PKHD1: variants seen among roughly 807,000 people sequenced by gnomAD.
The protein encoded by PKHD1 is fibrocystin.
Under a neutral mutation model 412.0 loss-of-function variants are expected in PKHD1, and 291 were observed. The observed-to-expected ratio is 0.71, with a 90% CI of 0.64 to 0.78. The LOEUF (loss-of-function observed/expected upper bound fraction) is 0.78. Among genes scored for constraint, PKHD1 ranks in the 30% least tolerant of loss-of-function variants. The probability of loss-of-function intolerance (pLI) is 0.00; values close to 1 mark genes in which losing one functional copy is unlikely to be tolerated. For missense variants in PKHD1, 4,825 were observed against 4,950.7 expected (o/e 0.97, Z 0.76); for synonymous variants, 1,777 against 1,821.5 (o/e 0.98, Z 0.62).
chr6:52,039,977 T>G (rs1030515557), intron 27 of PKHD1, among the ~76,000 whole-genome samples: 5 of 152,186 alleles, frequency 3.3e-5, no homozygotes, highest in African/African-American at 9.6e-5. Context: ...CTTAAAAATA[T>G]CATGCCAAGT....
At chr6:51,912,862 T>G (rs1453740577) in intron 37 of PKHD1, among the ~76,000 whole-genome samples, 1 of 152,104 alleles carries the variant, frequency 6.6e-6, no homozygotes, top group African/African-American at 2.4e-5. Context: ...AGATTACACT[T>G]ATATTTGAAT....
chr6:51,698,706 C>T (rs1046058443), intron 60 of PKHD1, among the ~76,000 whole-genome samples: 5 of 152,054 alleles, frequency 3.3e-5, no homozygotes, highest in African/African-American at 1.2e-4. Flanking sequence ...ATATGTATGT[C>T]GCTTAAAGCA....
Position 51,770,103 on chromosome 6 carries a change from C to T in PKHD1, c.8642+2599G>A, listed in dbSNP as rs527524502. Among the ~76,000 whole-genome samples the T allele has an allele frequency of 2.6e-5, 4 of 151,396 alleles. No homozygotes were observed. In the South Asian group the frequency reaches 8.3e-4, roughly 32 times the overall value. ...TTGCTTTTATTATATTATTCATGTTCTTCTTGTTTTCTTTACCTTTTTTAA... is the reference window on the plus strand; with the variant it reads ...TTGCTTTTATTATATTATTCATGTTTTTCTTGTTTTCTTTACCTTTTTTAA... On this transcript the variant is annotated intron_variant, in intron 55 of 66. Transcript: ENST00000371117.
chr6:51,626,102 A>C (rs1767198605), intron 66 of PKHD1, among the ~76,000 whole-genome samples: 1 of 152,136 alleles, frequency 6.6e-6, no homozygotes, highest in African/African-American at 2.4e-5. Context: ...ACTCATGCTC[A>C]TGTGTGCATG....
intron 60 of PKHD1, among the ~76,000 whole-genome samples, chr6:51,683,759 A>G (rs1440908517): frequency 6.6e-6 from 1 of 152,094 alleles, no homozygotes; most frequent in African/African-American, 2.4e-5. Context: ...TAGTTGTGAT[A>G]TTGTAATCAT....
chr6:52,037,118 G>C (rs1202347762), intron 27 of PKHD1, among the ~76,000 whole-genome samples: 4 of 151,836 alleles, frequency 2.6e-5, no homozygotes, highest in African/African-American at 9.7e-5. Flanking sequence ...GGATATAAGT[G>C]ACATTTCACA....
chr6:52,043,478 A>T (rs931872979), intron 26 of PKHD1, 147 bp downstream of exon 26: 118 of 709,212 alleles, frequency 1.7e-4, no homozygotes, highest in Middle Eastern at 3.1e-4. Context: ...AGATGGACCA[A>T]AAAATACACT....
Position 52,055,682 on chromosome 6 carries a change from G to A in PKHD1, c.1741C>T (p.Pro581Ser). 1.2e-6 allele frequency: 2 copies of A among 1,613,850 alleles called. No individual in the cohort carries two copies. The highest frequency in any genetic ancestry group is 1.7e-6 in the Non-Finnish European group (2 of 1,179,786). The stretch of plus-strand genomic sequence containing the variant: ...CGGAGGCTGAACCTGCCACAGAAGG[G>A]CTCCGTCCCACTGGTGAGGTCCCCA... ...SDGDLTSGTEPFCGRFSLRQP... is the reference protein window; with the variant it reads ...SDGDLTSGTESFCGRFSLRQP... Residue 581 changes from proline (P) to serine (S), a missense_variant, in exon 19 of 67, where the codon CCC becomes TCC. By Grantham distance (74) the Pro-to-Ser change is moderately conservative (BLOSUM62 -1). Transcript: ENST00000371117.
At position 51,960,167 on chromosome 6, in the gene PKHD1, GA is replaced by G. The variant is rs1791795501; in HGVS notation, c.5752-142del. The stretch of plus-strand genomic sequence containing the variant: ...ATAGTATAAGTATTGAATCAAAATA[GA>G]AACTTCTCAAAGAAAGTAAAATTAA... On this transcript the variant is annotated intron_variant, in intron 35 of 66. Transcript: ENST00000371117. 1.3e-5 allele frequency: 10 copies of G among 754,990 alleles called. No homozygotes were observed. The East Asian group carries it at 2.7e-4, about 20-fold the overall frequency. The allele number at this position is 754,990 out of a possible 1,614,324, so 46.8% of individuals were successfully genotyped here.
chr6:51,743,377 C>T (rs1289925121), intron 60 of PKHD1, among the ~76,000 whole-genome samples: 2 of 152,068 alleles, frequency 1.3e-5, no homozygotes, highest in East Asian at 3.9e-4. Flanking sequence ...TGAATGGTGG[C>T]ACCAATTACT....
intron 55 of PKHD1, among the ~76,000 whole-genome samples, chr6:51,766,937 CT>C (rs1789153697): frequency 6.6e-6 from 1 of 151,998 alleles, no homozygotes; most frequent in Non-Finnish European, 1.5e-5. Flanking sequence ...GTCTTTACTG[CT>C]TTAAATTACA....
chr6:51,854,520 C>A (rs1224695186), intron 49 of PKHD1, among the ~76,000 whole-genome samples: 1 of 152,190 alleles, frequency 6.6e-6, no homozygotes, highest in Non-Finnish European at 1.5e-5. Context: ...TCAGAACTAT[C>A]AGGAGGACAG....
At chr6:52,082,267 T>A in intron 4 of PKHD1, 125 bp downstream of exon 4, 1 of 986,126 alleles carries the variant, frequency 1.0e-6, no homozygotes, top group East Asian at 2.4e-5. Flanking sequence ...ACATGAAACT[T>A]TTTTTAACAA....
Position 51,619,143 on chromosome 6 carries a change from C to T in PKHD1, c.12163G>A (p.Gly4055Arg), listed in dbSNP as rs778545068. 5.0e-6 allele frequency: 8 copies of T among 1,614,230 alleles called. No homozygotes were observed. In the Admixed American group the frequency reaches 5.0e-5, roughly 10 times the overall value. ...GLSQEKKASC[G>R]ATEAFCLHSV... ...TGAAGGCAGAATGCCTCAGTGGCCCCGCAGGAGGCTTTCTTCTCTTGGGAA... is the reference window on the plus strand; with the variant it reads ...TGAAGGCAGAATGCCTCAGTGGCCCTGCAGGAGGCTTTCTTCTCTTGGGAA... Residue 4055 changes from glycine (G) to arginine (R), a missense_variant, in exon 67 of 67, where the codon GGG becomes AGG. Gly to Arg is a moderately radical substitution (Grantham distance 125, BLOSUM62 -2). Transcript: ENST00000371117.
chr6:51,912,062 G>T, intron 38 of PKHD1, 106 bp from the exon 39 acceptor site: 1 of 938,950 alleles, frequency 1.1e-6, no homozygotes, highest in Non-Finnish European at 1.7e-6. Flanking sequence ...ATCTATTCAT[G>T]TTTCTTTAGA....
At chr6:51,940,913 A>G (rs1246382598) in intron 36 of PKHD1, among the ~76,000 whole-genome samples, 1 of 151,430 alleles carries the variant, frequency 6.6e-6, no homozygotes, top group African/African-American at 2.4e-5. Context: ...CTTTTTAGTT[A>G]TCCCCACCTG....
chr6:51,919,646 T>C (rs916190854), intron 37 of PKHD1, among the ~76,000 whole-genome samples: 1 of 152,156 alleles, frequency 6.6e-6, no homozygotes, highest in African/African-American at 2.4e-5. Flanking sequence ...TTTAAAGAAG[T>C]TTTTTCCAAT....
At chr6:51,859,884 C>T (rs190580884) in intron 48 of PKHD1, among the ~76,000 whole-genome samples, 4 of 152,308 alleles carry the variant, frequency 2.6e-5, no homozygotes, top group Non-Finnish European at 4.4e-5. Flanking sequence ...ATTGCACCTT[C>T]CTTTTGAGGT....
In PKHD1 at chr6:52,025,642, G is replaced by T. The variant is rs768458758; in HGVS notation, c.4168C>A (p.Arg1390=). 4 of 1,614,146 alleles carry T rather than the reference G, an allele frequency of 2.5e-6. No homozygotes were observed. In the Admixed American group the frequency reaches 6.7e-5, roughly 27 times the overall value. ...TGCGATGGGAAGATGGCCATTATCC[G>T]AGGCATCACTGCAAATTGCTGGAGC... is the stretch of plus-strand genomic sequence containing the variant. ...VVLQQFAVMP[R]IMAIFPSQGS... The change falls in exon 32 of 67, where the codon CGG becomes AGG. Residue 1390 remains arginine (R), a synonymous_variant. Transcript: ENST00000371117.
Sources: allele counts gnomAD v4.1 joint callset (sites outside exome capture counted in the v4.1 genomes callset), GRCh38; gene constraint gnomAD v4.1.1; transcripts MANE v1.5; gene names NCBI Gene and HGNC (gene_info 2026-07-23, HGNC 2026-07-21).